Variants in GABBR2 observed in about 807,000 individuals in gnomAD.
GABBR2 encodes the protein G-protein coupled receptor 51.
Under a neutral mutation model 105.6 loss-of-function variants are expected in GABBR2, and 23 were observed. The ratio of observed to expected loss-of-function variants is 0.22; its 90% confidence interval spans 0.16 to 0.31. GABBR2 has a LOEUF of 0.31. GABBR2 is among the 10% of genes least tolerant of loss of function. The pLI is 1.00. For missense variants in GABBR2, 734 were observed against 1,245.5 expected, an observed-to-expected ratio of 0.59 and a Z score of 6.18; for synonymous variants, 478 against 499.7, an observed-to-expected ratio of 0.96 and a Z score of 0.58.
At chr9:98,593,854 A>G (rs771405816) in intron 1 of GABBR2, among the ~76,000 whole-genome samples, 33 of 152,120 alleles carry the variant, frequency 2.2e-4, no homozygotes, top group African/African-American at 7.7e-4. Flanking sequence ...ACTCAGCTGG[A>G]GTTAATTATG....
chr9:98,648,080 GGTGTGTGTGTGTGTGTGT>G (rs1554723457), intron 1 of GABBR2, among the ~76,000 whole-genome samples: 2 of 67,978 alleles, frequency 2.9e-5, no homozygotes, highest in Non-Finnish European at 5.5e-5. Context: ...AATCATACAG[GGTGTGTGTGTGTGTGTGT>G]GTGTGTGTGT....
chr9:98,452,309 T>C (rs1300420063), intron 7 of GABBR2, among the ~76,000 whole-genome samples: 1 of 152,242 alleles, frequency 6.6e-6, no homozygotes, highest in Admixed American at 6.5e-5. Flanking sequence ...AGGACAGCAC[T>C]TTAGCCCACT....
At chr9:98,399,731 G>GCT (rs759723035) in intron 8 of GABBR2, among the ~76,000 whole-genome samples, 17,595 of 139,614 alleles carry the variant, frequency 0.13, 1,206 homozygotes, top group African/African-American at 0.24. Flanking sequence ...AGAACTTGAA[G>GCT]GCTCAACCAG....
At chr9:98,404,428 C>T (rs1289111581) in intron 8 of GABBR2, among the ~76,000 whole-genome samples, 2 of 152,156 alleles carry the variant, frequency 1.3e-5, no homozygotes, top group Non-Finnish European at 2.9e-5. Flanking sequence ...CCTGATTGAT[C>T]TGAATCCTGG....
chr9:98,555,109 C>T (rs962154893), intron 2 of GABBR2, among the ~76,000 whole-genome samples: 2 of 152,216 alleles, frequency 1.3e-5, no homozygotes, highest in South Asian at 2.1e-4. Flanking sequence ...TGATGGCTTA[C>T]AGTAGACCAC....
intron 7 of GABBR2, among the ~76,000 whole-genome samples, chr9:98,449,911 G>C (rs557643980): frequency 6.6e-6 from 1 of 152,160 alleles, no homozygotes; most frequent in African/African-American, 2.4e-5. Flanking sequence ...CCACTTCAGA[G>C]TGTTCCCTGA....
At chr9:98,575,737 C>A (rs1283683031) in intron 2 of GABBR2, among the ~76,000 whole-genome samples, 1 of 152,188 alleles carries the variant, frequency 6.6e-6, no homozygotes, top group Non-Finnish European at 1.5e-5. Flanking sequence ...GCCATGCTGG[C>A]TTTCAGGTGT....
chr9:98,319,368 G>A (rs908847895), intron 13 of GABBR2, among the ~76,000 whole-genome samples: 10 of 152,024 alleles, frequency 6.6e-5, no homozygotes, highest in African/African-American at 2.2e-4. Context: ...CAGCAGCCCC[G>A]CACCTCTGAG....
chr9:98,519,908 C>T (rs1283577843), intron 3 of GABBR2, among the ~76,000 whole-genome samples: 1 of 152,136 alleles, frequency 6.6e-6, no homozygotes, highest in Non-Finnish European at 1.5e-5. Context: ...TTGCAAACCC[C>T]TGTTCTAGAC....
intron 6 of GABBR2, among the ~76,000 whole-genome samples, chr9:98,472,191 A>G (rs1826697943): frequency 6.6e-6 from 1 of 152,214 alleles, no homozygotes; most frequent in African/African-American, 2.4e-5. Context: ...ACTTATGTGC[A>G]TTGCTGTGCT....
intron 2 of GABBR2, among the ~76,000 whole-genome samples, chr9:98,551,547 C>T (rs955216861): frequency 1.3e-5 from 2 of 152,314 alleles, no homozygotes; most frequent in Non-Finnish European, 2.9e-5. Context: ...TATGCCATGG[C>T]TTCCAGGGCC....
At chr9:98,553,048 T>A (rs887353285) in intron 2 of GABBR2, among the ~76,000 whole-genome samples, 8 of 151,874 alleles carry the variant, frequency 5.3e-5, no homozygotes, top group African/African-American at 1.5e-4. Flanking sequence ...GCTATTTTTT[T>A]TATTTTTTAT....
At chr9:98,619,612 C>A (rs1829641153) in intron 1 of GABBR2, among the ~76,000 whole-genome samples, 1 of 152,120 alleles carries the variant, frequency 6.6e-6, no homozygotes, top group Admixed American at 6.5e-5. Context: ...TAAATTGGTG[C>A]TCCTGTGGTG....
chr9:98,455,726 G>A (rs950848185), intron 6 of GABBR2, among the ~76,000 whole-genome samples: 1 of 152,252 alleles, frequency 6.6e-6, no homozygotes, highest in Non-Finnish European at 1.5e-5. Flanking sequence ...GGCCATCAAA[G>A]ACTGTGTCTT....
At chr9:98,666,861 C>T (rs1486946274) in intron 1 of GABBR2, among the ~76,000 whole-genome samples, 1 of 152,126 alleles carries the variant, frequency 6.6e-6, no homozygotes, top group Admixed American at 6.5e-5. Flanking sequence ...CCCAGCAGAC[C>T]AGAAGAGGAG....
rs1588082928 is a variant in GABBR2 at position 98,290,567 on chromosome 9, G to C, written c.*17C>G. The C allele has an allele frequency of 7.4e-7, 1 of 1,358,478 alleles. No individual in the cohort carries two copies. Among genetic ancestry groups the C allele is most frequent in the East Asian group, 2.8e-5 (1 of 35,220 alleles). 84.2% of individuals were successfully genotyped at this position (1,358,478 alleles called of 1,614,324 possible). ...GGTTCTGTCACGGGGGAGGCCCCGG[G>C]CCCAGGCCTCCCACCCTTACAGGCC... On this transcript the variant is annotated 3_prime_UTR_variant, in exon 19 of 19. Coordinates refer to ENST00000259455, the MANE Select transcript of GABBR2 (RefSeq NM_005458.8).
chr9:98,359,364 G>T (rs1261495382), intron 13 of GABBR2, among the ~76,000 whole-genome samples: 1 of 152,136 alleles, frequency 6.6e-6, no homozygotes, highest in Non-Finnish European at 1.5e-5. Flanking sequence ...GGAGATGGAG[G>T]TTGAGCAGCG....
chr9:98,606,894 G>A, intron 1 of GABBR2: 1 of 601,504 alleles, frequency 1.7e-6, no homozygotes, highest in Non-Finnish European at 3.0e-6. Context: ...AGGTCTGATT[G>A]ATCCACATGA....
intron 4 of GABBR2, among the ~76,000 whole-genome samples, chr9:98,484,875 AAAG>A (rs1178601677): frequency 6.6e-6 from 1 of 152,206 alleles, no homozygotes; most frequent in African/African-American, 2.4e-5. Context: ...CAGAGAGTAG[AAAG>A]AAGAAATTTG....
Sources: allele counts gnomAD v4.1 joint callset (sites outside exome capture counted in the v4.1 genomes callset), GRCh38; gene constraint gnomAD v4.1.1; transcripts MANE v1.5; gene names NCBI Gene and HGNC (gene_info 2026-07-23, HGNC 2026-07-21).